PMFBP1: variants seen among roughly 807,000 people sequenced by gnomAD.
PMFBP1 encodes the protein polyamine modulated factor 1 binding protein 1.
Under a neutral mutation model 137.8 loss-of-function variants are expected in PMFBP1, and 131 were observed. The ratio of observed to expected loss-of-function variants is 0.95; its 90% confidence interval spans 0.82 to 1.10. The LOEUF is 1.10. PMFBP1 is among the 50% of genes least tolerant of loss of function. The probability of loss-of-function intolerance (pLI) is 0.00; values close to 1 mark genes in which losing one functional copy is unlikely to be tolerated. For missense variants in PMFBP1, 1,199 were observed against 1,175.4 expected, an observed-to-expected ratio of 1.02 and a Z score of -0.29; for synonymous variants, 490 against 450.4, an observed-to-expected ratio of 1.09 and a Z score of -1.11.
At chr16:72,119,394 A>T in intron 20 of PMFBP1, 40 bp from the exon 21 acceptor site, 1 of 1,614,114 alleles carries the variant, frequency 6.2e-7, no homozygotes, top group Non-Finnish European at 8.5e-7. Context: ...TGATTCGAGG[A>T]GAAATTAACG....
intron 3 of PMFBP1, 163 bp downstream of exon 3, chr16:72,164,601 G>T: frequency 8.5e-7 from 1 of 1,180,338 alleles, no homozygotes; most frequent in Non-Finnish European, 1.2e-6. Context: ...CCATGTGTAT[G>T]TGCGTTGGGG....
Position 72,139,327 on chromosome 16 carries a change from G to T in PMFBP1, c.880C>A (p.Pro294Thr), listed in dbSNP as rs751500094. 3.1e-6 allele frequency: 5 copies of T among 1,614,094 alleles called. No individual in the cohort carries two copies. The Admixed American group carries it at 5.0e-5, about 16-fold the overall frequency. Residue 294 changes from proline (P) to threonine (T), a missense_variant, in exon 7 of 21, where the codon CCT becomes ACT. Transcript: ENST00000237353. ...TCACACTCTTCTGAGGAGCTAGGAGGGTATCTGTGGGTGGCTGTACAGGAA... is the reference window on the plus strand; with the variant it reads ...TCACACTCTTCTGAGGAGCTAGGAGTGTATCTGTGGGTGGCTGTACAGGAA... ...FASCTATHRY[P>T]PSSSEECEDI...
intron 5 of PMFBP1, among the ~76,000 whole-genome samples, chr16:72,149,478 AG>A (rs1166925320): frequency 6.6e-6 from 1 of 152,230 alleles, no homozygotes; most frequent in Admixed American, 6.5e-5. Context: ...GTCAATAGGT[AG>A]TACATCCCTA....
rs751644766 is a variant in PMFBP1 at position 72,126,309 on chromosome 16, G to C, written c.2089-177C>G. Reference sequence around the variant, plus strand: ...TGTAAAAGGTAGAGCTGTCTTTCCAGGCTCTTTTGCACCCCTCAGCCACAT... The same window carrying C: ...TGTAAAAGGTAGAGCTGTCTTTCCACGCTCTTTTGCACCCCTCAGCCACAT... On this transcript the variant is annotated intron_variant, in intron 14 of 20. Transcript: ENST00000237353. Among the ~76,000 whole-genome samples, 9 of 152,322 alleles carry C rather than the reference G, an allele frequency of 5.9e-5. 1 individual carries two copies. In the South Asian group the frequency reaches 8.3e-4, roughly 14 times the overall value.
chr16:72,151,783 T>C (rs1421312181), intron 4 of PMFBP1, among the ~76,000 whole-genome samples: 3 of 152,158 alleles, frequency 2.0e-5, no homozygotes, highest in Non-Finnish European at 4.4e-5. Context: ...GGCCAGCCCA[T>C]ATCCCCTGGG....
In PMFBP1 at chr16:72,132,794, C is replaced by T. The variant is rs991747116; in HGVS notation, c.1401G>A (p.Lys467=). ...TGGCCTCTTCGAGACTGTTCTTCAG[C>T]TTCTGGACCTCAGCCTGCAGGGCCT... ...ECKALQAEVQ[K]LKNSLEEAKQ... is the part of the protein sequence containing the mutation. Residue 467 remains lysine, a synonymous_variant, in exon 10 of 21, where the codon AAG becomes AAA. Coordinates refer to ENST00000237353, the MANE Select transcript of PMFBP1 (RefSeq NM_031293.3). 1 of 1,614,194 alleles carries T rather than the reference C, an allele frequency of 6.2e-7. No individual in the cohort carries two copies. The highest frequency in any genetic ancestry group is 8.5e-7 in the Non-Finnish European group (1 of 1,180,024).
At chr16:72,181,139 T>TGAGGCAGGAGAATCGCTTG (rs2043275012), upstream of PMFBP1, among the ~76,000 whole-genome samples, 1 of 151,164 alleles carries the variant, frequency 6.6e-6, no homozygotes, top group Non-Finnish European at 1.5e-5. Flanking sequence ...CTCAGGAGGC[T>TGAGGCAGGAGAATCGCTTG]GAGGCAGGAG....
chr16:72,163,853 T>A (rs1245268295), intron 3 of PMFBP1, among the ~76,000 whole-genome samples: 1 of 150,708 alleles, frequency 6.6e-6, no homozygotes, highest in African/African-American at 2.4e-5. Flanking sequence ...TTCTTACTTA[T>A]AAGTGGGAGC....
the PMFBP1 span, among the ~76,000 whole-genome samples, chr16:72,215,335 G>T: frequency 6.6e-6 from 1 of 151,294 alleles, no homozygotes; most frequent in Admixed American, 6.6e-5. Context: ...GCACAGAAAG[G>T]TAAGGTAATA....
intron 3 of PMFBP1, 155 bp downstream of exon 3, chr16:72,164,609 G>A (rs1383850569): frequency 3.4e-6 from 4 of 1,190,244 alleles, no homozygotes; most frequent in Non-Finnish European, 4.7e-6. Flanking sequence ...ATGTGCGTTG[G>A]GGTGTGTGTG....
At chr16:72,210,665 A>C in the PMFBP1 span, among the ~76,000 whole-genome samples, 3 of 152,340 alleles carry the variant, frequency 2.0e-5, no homozygotes, top group East Asian at 5.8e-4. Flanking sequence ...ACAGGGACAA[A>C]AAAGAATCAA....
chr16:72,247,946 T>C, the PMFBP1 span, among the ~76,000 whole-genome samples: 1 of 152,186 alleles, frequency 6.6e-6, no homozygotes, highest in African/African-American at 2.4e-5. Context: ...GGTTTGCAGA[T>C]TTTTCTTTGC....
intron 3 of PMFBP1, among the ~76,000 whole-genome samples, chr16:72,162,793 A>G (rs1479823955): frequency 6.6e-6 from 1 of 152,242 alleles, no homozygotes; most frequent in African/African-American, 2.4e-5. Flanking sequence ...TATAAGCCAC[A>G]TGGCTTTCCC....
intron 20 of PMFBP1, chr16:72,119,574 C>A: frequency 6.9e-7 from 1 of 1,445,496 alleles, no homozygotes; most frequent in African/African-American, 1.4e-5. Flanking sequence ...AAGGAAGATG[C>A]CTCTTCTACC....
intron 20 of PMFBP1, 183 bp from the exon 21 acceptor site, chr16:72,119,537 G>A (rs2042344907): frequency 6.1e-6 from 9 of 1,471,554 alleles, no homozygotes; most frequent in South Asian, 1.4e-5. Flanking sequence ...GGTGGCTGGG[G>A]TGCTCTTACG....
intron 20 of PMFBP1, 76 bp downstream of exon 20, chr16:72,119,775 C>T: frequency 2.6e-6 from 4 of 1,560,666 alleles, no homozygotes; most frequent in South Asian, 2.5e-5. Flanking sequence ...CTATTTTCTT[C>T]TTCCTACTTG....
chr16:72,138,994 C>T (rs530337552), intron 7 of PMFBP1, among the ~76,000 whole-genome samples: 106 of 151,064 alleles, frequency 7.0e-4, no homozygotes, highest in African/African-American at 2.5e-3. Flanking sequence ...CAGCCAGACA[C>T]GAGGAGGCTA....
intron 17 of PMFBP1, 39 bp downstream of exon 17, chr16:72,124,728 G>C (rs200553562): frequency 6.3e-6 from 10 of 1,598,782 alleles, no homozygotes; most frequent in Non-Finnish European, 8.5e-6. Flanking sequence ...GTGCCTGGAG[G>C]CACTGAGAGG....
At chr16:72,145,776 C>G (rs2042796075) in intron 5 of PMFBP1, among the ~76,000 whole-genome samples, 1 of 152,188 alleles carries the variant, frequency 6.6e-6, no homozygotes, top group Admixed American at 6.5e-5. Context: ...ACTAGAAAAT[C>G]TAGAAGAAAT....
Sources: allele counts gnomAD v4.1 joint callset (sites outside exome capture counted in the v4.1 genomes callset), GRCh38; gene constraint gnomAD v4.1.1; transcripts MANE v1.5; gene names NCBI Gene and HGNC (gene_info 2026-07-23, HGNC 2026-07-21).